The following ARHGAP24 variants were observed in gnomAD, a reference collection of about 807,000 sequenced individuals.
The protein encoded by ARHGAP24 is rho GTPase-activating protein 24.
In ARHGAP24, 50 loss-of-function variants were observed where a neutral mutation model predicts 76.4. The observed-to-expected ratio is 0.65, with a 90% CI of 0.52 to 0.83. The LOEUF (loss-of-function observed/expected upper bound fraction) is 0.83. Ranked by LOEUF, ARHGAP24 falls within the 40% of genes least tolerant of loss-of-function variation. The pLI, the probability that ARHGAP24 is intolerant of heterozygous loss-of-function variation, is 0.00. For synonymous variants in ARHGAP24, 345 were observed against 323.3 expected, an observed-to-expected ratio of 1.07 and a Z score of -0.72; for missense variants, 930 against 914.2, an observed-to-expected ratio of 1.02 and a Z score of -0.22.
rs183868172 is a variant in ARHGAP24 at position 85,727,114 on chromosome 4, G to A, written c.268+5142G>A. On this transcript the variant is annotated intron_variant, in intron 3 of 9. Coordinates refer to ENST00000395184, the MANE Select transcript of ARHGAP24 (RefSeq NM_001025616.3). ...GGGCGCCTATAATCCCAGCTACTCA[G>A]GAGGCTGAGGCAGGAGAATCCCTTG... 2.5e-4 allele frequency among the ~76,000 whole-genome samples: 38 copies of A among 152,246 alleles called. 1 individual carries two copies. The East Asian group carries it at 6.2e-3, about 25-fold the overall frequency.
intron 3 of ARHGAP24, among the ~76,000 whole-genome samples, chr4:85,759,489 G>T (rs957021442): frequency 6.6e-6 from 1 of 152,176 alleles, no homozygotes; most frequent in Non-Finnish European, 1.5e-5. Flanking sequence ...TATTGGCAAA[G>T]AAATTGAACT....
chr4:85,752,426 T>G (rs1028405509), intron 3 of ARHGAP24, among the ~76,000 whole-genome samples: 3 of 151,836 alleles, frequency 2.0e-5, no homozygotes, highest in Non-Finnish European at 4.4e-5. Context: ...CAGTGTGAGT[T>G]ATCTTTGCTG....
At chr4:85,596,488 G>A (rs933102905) in intron 2 of ARHGAP24, among the ~76,000 whole-genome samples, 1 of 152,096 alleles carries the variant, frequency 6.6e-6, no homozygotes, top group Non-Finnish European at 1.5e-5. Context: ...TGAGGTAAGA[G>A]AAGAGAAAAG....
chr4:86,000,179 C>T (rs1740928567), intron 9 of ARHGAP24: 3 of 283,100 alleles, frequency 1.1e-5, no homozygotes, highest in East Asian at 8.8e-5. Context: ...CTCGTCTGCC[C>T]GGCATGTGTT....
intron 3 of ARHGAP24, among the ~76,000 whole-genome samples, chr4:85,879,338 C>A (rs965508429): frequency 6.6e-6 from 1 of 152,042 alleles, no homozygotes; most frequent in Non-Finnish European, 1.5e-5. Flanking sequence ...TTTATATATC[C>A]TGGAGATGTA....
At chr4:85,776,221 G>C (rs1327719937) in intron 3 of ARHGAP24, among the ~76,000 whole-genome samples, 1 of 152,044 alleles carries the variant, frequency 6.6e-6, no homozygotes, top group Non-Finnish European at 1.5e-5. Context: ...GAGAGGAGGA[G>C]ATCAAGAGTT....
At chr4:85,601,438 C>G (rs2109988399) in intron 2 of ARHGAP24, among the ~76,000 whole-genome samples, 1 of 152,238 alleles carries the variant, frequency 6.6e-6, no homozygotes, top group Admixed American at 6.5e-5. Context: ...TAGGGATTTT[C>G]AACTCAGTAC....
intron 3 of ARHGAP24, among the ~76,000 whole-genome samples, chr4:85,802,996 A>G (rs919181527): frequency 2.6e-5 from 4 of 152,252 alleles, no homozygotes; most frequent in African/African-American, 9.6e-5. Context: ...TCTTTAGCAC[A>G]GCCTGAGGAA....
chr4:85,667,289 G>T (rs1204962736), intron 2 of ARHGAP24, among the ~76,000 whole-genome samples: 1 of 152,204 alleles, frequency 6.6e-6, no homozygotes, highest in African/African-American at 2.4e-5. Context: ...CATGGGCATA[G>T]GACCCTCTGA....
rs145187282 is a variant in ARHGAP24, at chr4:85,877,729, T to G, written c.269-45919T>G. Among the ~76,000 whole-genome samples, 744 of 149,030 alleles carry G rather than the reference T, an allele frequency of 5.0e-3. 22 individuals are homozygous for G. The highest frequency in any genetic ancestry group is 0.046 in the Admixed American group (681 of 14,740). ...ACTATTCTAAAAGTTTTGTGTTTAA[T>G]AAAGACCTATGCTAGTATTTCATAA... On this transcript the variant is annotated intron_variant, in intron 3 of 9. Transcript: ENST00000395184.
At chr4:85,993,081 G>A (rs1740431211) in intron 8 of ARHGAP24, among the ~76,000 whole-genome samples, 1 of 151,732 alleles carries the variant, frequency 6.6e-6, no homozygotes, top group Non-Finnish European at 1.5e-5. Flanking sequence ...CCTCTCTTTC[G>A]GACTTTCAAG....
At chr4:85,665,610 C>T (rs564962935) in intron 2 of ARHGAP24, among the ~76,000 whole-genome samples, 33 of 152,262 alleles carry the variant, frequency 2.2e-4, no homozygotes, top group Middle Eastern at 3.4e-3. Flanking sequence ...TTCCTAGCCT[C>T]GATGGTCTTT....
chr4:85,569,820 A>T (rs969633032), intron 1 of ARHGAP24, among the ~76,000 whole-genome samples: 4 of 152,202 alleles, frequency 2.6e-5, no homozygotes, highest in South Asian at 2.1e-4. Context: ...TGTAAGACAA[A>T]TGTCTTCCAT....
rs1740532746 is a variant in ARHGAP24 at position 85,994,610 on chromosome 4, C to T, written c.956C>T (p.Ser319Leu). ...EGTVVVQQLM[S>L]VMISKHDCLF... ...ACTGTGGTGGTCCAGCAGTTGATGT[C>T]AGTGATGATTAGCAAACATGATTGC... Residue 319 changes from serine to leucine, a missense_variant, in exon 9 of 10, where the codon TCA (serine) becomes TTA (leucine). Ser to Leu is a moderately radical substitution (Grantham distance 145). Transcript: ENST00000395184. 6.2e-7 allele frequency: 1 copy of T among 1,614,148 alleles called. No homozygotes were observed. Among genetic ancestry groups the T allele is most frequent in the Non-Finnish European group, 8.5e-7 (1 of 1,180,028 alleles).
chr4:85,747,650 C>T (rs1726099539), intron 3 of ARHGAP24, among the ~76,000 whole-genome samples: 1 of 152,114 alleles, frequency 6.6e-6, no homozygotes, highest in South Asian at 2.1e-4. Context: ...TTGCAGTGAG[C>T]CGAGATTGTG....
chr4:85,706,811 G>T (rs975119340), intron 2 of ARHGAP24, among the ~76,000 whole-genome samples: 2 of 152,028 alleles, frequency 1.3e-5, no homozygotes, highest in South Asian at 2.1e-4. Flanking sequence ...TGATCCGCCC[G>T]CCTCGGCCTC....
chr4:85,576,998 A>T (rs551101572), intron 2 of ARHGAP24, among the ~76,000 whole-genome samples: 6 of 151,998 alleles, frequency 3.9e-5, no homozygotes, highest in African/African-American at 9.6e-5. Flanking sequence ...ATTAAATGAG[A>T]TACTTTATTT....
At chr4:85,651,812 A>T (rs754875685) in intron 2 of ARHGAP24, among the ~76,000 whole-genome samples, 1 of 151,956 alleles carries the variant, frequency 6.6e-6, no homozygotes, top group Non-Finnish European at 1.5e-5. Flanking sequence ...CTCTTATTAG[A>T]TATGTCATTA....
At chr4:85,736,787 A>G (rs1047792848) in intron 3 of ARHGAP24, among the ~76,000 whole-genome samples, 1 of 152,174 alleles carries the variant, frequency 6.6e-6, no homozygotes, top group Non-Finnish European at 1.5e-5. Context: ...AGTTAAGTGA[A>G]TGTTACACTG....
Sources: gnomAD v4.1 joint callset for allele counts (sites outside exome capture counted in the v4.1 genomes callset) on GRCh38, gnomAD v4.1.1 for gene constraint, MANE v1.5 for transcripts, NCBI Gene and HGNC (gene_info 2026-07-23, HGNC 2026-07-21) for gene names.